AFG2B: variants seen among roughly 807,000 people sequenced by gnomAD.
The protein encoded by AFG2B is ATPase family gene 2 protein homolog B.
At chr15:45,405,502 G>T in the AFG2B span, 1 of 1,610,434 alleles carries the variant, frequency 6.2e-7, no homozygotes, top group Non-Finnish European at 8.5e-7. Context: ...TTCATAGTGA[G>T]AAGGTAAGAA....
the AFG2B span, chr15:45,417,544 C>T: frequency 4.2e-6 from 3 of 720,532 alleles, no homozygotes; most frequent in East Asian, 8.3e-5. Context: ...TTTGATCTTC[C>T]TTTGTTGGAT....
chr15:45,407,106 A>C, the AFG2B span: 21 of 1,289,172 alleles, frequency 1.6e-5, no homozygotes, highest in South Asian at 2.6e-4. Flanking sequence ...GCCCACTGCT[A>C]CTTCAGGAGG....
At chr15:45,407,095 A>T in the AFG2B span, 1 of 1,289,208 alleles carries the variant, frequency 7.8e-7, no homozygotes, top group Non-Finnish European at 1.0e-6. Flanking sequence ...CCCAGGGTGG[A>T]GCCCACTGCT....
chr15:45,406,632 A>G, the AFG2B span, among the ~76,000 whole-genome samples: 3 of 152,230 alleles, frequency 2.0e-5, no homozygotes, highest in Admixed American at 2.0e-4. Context: ...ATAGTCCTGA[A>G]TCCTTAAACC....
the AFG2B span, among the ~76,000 whole-genome samples, chr15:45,409,138 G>C: frequency 5.3e-5 from 8 of 152,198 alleles, no homozygotes; most frequent in Admixed American, 4.6e-4. Context: ...CACTTTGGGA[G>C]GCTGAGATGG....
chr15:45,418,506 T>A, the AFG2B span: 1 of 1,518,360 alleles, frequency 6.6e-7, no homozygotes, highest in Non-Finnish European at 8.9e-7. Flanking sequence ...AATCATTGTG[T>A]CAAACATAAA....
the AFG2B span, chr15:45,418,474 T>C: frequency 7.2e-7 from 1 of 1,398,084 alleles, no homozygotes; most frequent in Non-Finnish European, 9.6e-7. Flanking sequence ...GAAAGGAAAC[T>C]CAAGCTAAAA....
At chr15:45,411,526 C>T in the AFG2B span, among the ~76,000 whole-genome samples, 12 of 152,190 alleles carry the variant, frequency 7.9e-5, no homozygotes, top group Non-Finnish European at 1.6e-4. Context: ...CTGTGCTACT[C>T]AAGCTGGCCT....
chr15:45,412,054 C>T, the AFG2B span, among the ~76,000 whole-genome samples: 9 of 150,596 alleles, frequency 6.0e-5, no homozygotes, highest in African/African-American at 1.2e-4. Context: ...GCCAAGACCA[C>T]GCCATTGTAC....
chr15:45,414,203 G>A, the AFG2B span, among the ~76,000 whole-genome samples: 1 of 152,216 alleles, frequency 6.6e-6, no homozygotes, highest in African/African-American at 2.4e-5. Context: ...AGACCTGAGT[G>A]ATGAGGGATA....
chr15:45,420,152 T>G, the AFG2B span, among the ~76,000 whole-genome samples: 1 of 152,216 alleles, frequency 6.6e-6, no homozygotes, highest in African/African-American at 2.4e-5. Flanking sequence ...AAAAAGAAAT[T>G]TATCCATAGT....
At chr15:45,420,018 AAAAC>A in the AFG2B span, among the ~76,000 whole-genome samples, 2 of 149,652 alleles carry the variant, frequency 1.3e-5, no homozygotes, top group Non-Finnish European at 3.0e-5. Context: ...AAAAAAACAA[AAAAC>A]AAAACAAAAG....
chr15:45,402,967 C>T, the AFG2B span: 1 of 1,595,198 alleles, frequency 6.3e-7, no homozygotes, highest in Non-Finnish European at 8.5e-7. Context: ...GCTGGTCACC[C>T]CTCGTACCCG....
chr15:45,403,695 C>A, the AFG2B span, among the ~76,000 whole-genome samples: 1 of 152,122 alleles, frequency 6.6e-6, no homozygotes, highest in African/African-American at 2.4e-5. Context: ...GAGTCAGGAC[C>A]TGTATTTCCC....
chr15:45,417,804 A>G, the AFG2B span: 3 of 156,762 alleles, frequency 1.9e-5, no homozygotes, highest in Admixed American at 6.3e-5. Flanking sequence ...AGTACGGTGC[A>G]GAAATCTGAG....
the AFG2B span, chr15:45,421,085 A>G: frequency 3.1e-6 from 5 of 1,613,760 alleles, no homozygotes; most frequent in Admixed American, 1.7e-5. Flanking sequence ...AGACGCAACT[A>G]CAGTGAAACA....
At chr15:45,417,266 C>CA in the AFG2B span, 1 of 1,613,128 alleles carries the variant, frequency 6.2e-7, no homozygotes, top group Admixed American at 1.7e-5. Context: ...TGTTTGCCCT[C>CA]AGAGTTTCAA....
chr15:45,411,810 A>G, the AFG2B span, among the ~76,000 whole-genome samples: 1 of 152,100 alleles, frequency 6.6e-6, no homozygotes, highest in African/African-American at 2.4e-5. Flanking sequence ...TTAAAAAACA[A>G]TTTTGACTGG....
chr15:45,420,987 C>A, the AFG2B span: 1 of 1,560,530 alleles, frequency 6.4e-7, no homozygotes, highest in South Asian at 1.2e-5. Context: ...AGCAAAACTC[C>A]ATCTCAAAGA....
Sources: allele counts gnomAD v4.1 joint callset (sites outside exome capture counted in the v4.1 genomes callset), GRCh38; gene constraint gnomAD v4.1.1; transcripts MANE v1.5; gene names NCBI Gene and HGNC (gene_info 2026-07-23, HGNC 2026-07-21).